The following GRID2 variants were observed in gnomAD, a reference collection of about 807,000 sequenced individuals.
GRID2 encodes glutamate ionotropic receptor delta type subunit 2.
A neutral mutation model predicts 114.8 loss-of-function variants in GRID2; 33 were observed. The ratio of observed to expected loss-of-function variants is 0.29; its 90% CI spans 0.22 to 0.38. The LOEUF (loss-of-function observed/expected upper bound fraction) is 0.38, where lower values mean the gene tolerates loss of function less well. Among genes scored for constraint, GRID2 ranks in the 10% least tolerant of loss-of-function variants. The probability of loss-of-function intolerance (pLI) is 1.00; values close to 1 mark genes in which losing one functional copy is unlikely to be tolerated. For synonymous variants in GRID2, 505 were observed against 449.9 expected (o/e 1.12, Z -1.55); for missense variants, 1,184 against 1,257.7 (o/e 0.94, Z 0.89).
chr4:92,384,681 T>C (rs1434882772), intron 1 of GRID2, among the ~76,000 whole-genome samples: 1 of 114,944 alleles, frequency 8.7e-6, no homozygotes, highest in Non-Finnish European at 1.7e-5. Flanking sequence ...ATATTATATA[T>C]ATATAATATA....
rs1295067924 is a variant in GRID2, at chr4:92,749,310, C to CTATTTTTTT, written c.244+159025_244+159026insATTTTTTTT. ...CGCCGCGCCCGGCCTTGATTTGTAG[C>CTATTTTTTT]TTTTTTTTTTTTTTTTTTTTTTGAG... On this transcript the variant is annotated intron_variant, in intron 2 of 15. Transcript: ENST00000282020. 4.5e-3 allele frequency among the ~76,000 whole-genome samples: 325 copies of CTATTTTTTT among 72,036 alleles called. 9 individuals carry two copies. Among genetic ancestry groups the CTATTTTTTT allele is most frequent in the East Asian group, 0.031 (77 of 2,524 alleles). 47.3% of individuals were successfully genotyped at this position (72,036 alleles called of 152,430 possible).
At chr4:92,639,817 A>C (rs1731257490) in intron 2 of GRID2, among the ~76,000 whole-genome samples, 1 of 151,856 alleles carries the variant, frequency 6.6e-6, no homozygotes, top group Non-Finnish European at 1.5e-5. Flanking sequence ...ACTCTAACAA[A>C]ATATGAAATA....
In GRID2 at chr4:93,721,274, C is replaced by T. The variant is rs571638579; in HGVS notation, c.2361-47936C>T. On this transcript the variant is annotated intron_variant, in intron 14 of 15. Coordinates refer to ENST00000282020, the MANE Select transcript of GRID2 (RefSeq NM_001510.4). Reference sequence around the variant, plus strand: ...AAATATTAAATAGTCAAAAAGGGATCGAATATTAAAAAATGTAAGTTAGGT... The same window carrying T: ...AAATATTAAATAGTCAAAAAGGGATTGAATATTAAAAAATGTAAGTTAGGT... 4.2e-4 allele frequency among the ~76,000 whole-genome samples: 64 copies of T among 152,080 alleles called. 2 individuals carry two copies. In the South Asian group the frequency reaches 0.012, roughly 28 times the overall value.
At chr4:93,436,178 G>A (rs1721066765) in intron 10 of GRID2, among the ~76,000 whole-genome samples, 2 of 152,058 alleles carry the variant, frequency 1.3e-5, no homozygotes, top group Admixed American at 6.6e-5. Context: ...CTTTGGTATC[G>A]CTTGCTCCAT....
intron 5 of GRID2, among the ~76,000 whole-genome samples, chr4:93,208,681 A>G (rs1340477494): frequency 6.6e-6 from 1 of 151,990 alleles, no homozygotes; most frequent in African/African-American, 2.4e-5. Flanking sequence ...TTTTTATTTC[A>G]GAGTAAAGAC....
chr4:93,311,637 T>C (rs1389137369), intron 8 of GRID2, among the ~76,000 whole-genome samples: 1 of 152,160 alleles, frequency 6.6e-6, no homozygotes, highest in Admixed American at 6.6e-5. Flanking sequence ...GCACAGAGTA[T>C]TGAGAAACCT....
In GRID2 at chr4:92,447,795, A is replaced by T. The variant is rs191913535; in HGVS notation, c.89-142336A>T. Among the ~76,000 whole-genome samples, 710 of 152,264 alleles carry T rather than the reference A, an allele frequency of 4.7e-3. 4 individuals carry two copies. Among genetic ancestry groups the T allele is most frequent in the Middle Eastern group, 6.8e-3 (2 of 294 alleles). On this transcript the variant is annotated intron_variant, in intron 1 of 15. Transcript: ENST00000282020. Reference sequence around the variant, plus strand: ...AACATTCTGAGTTCTCTTTTATAAAAGGACTAATTCCAGTGATGAGGGCTC... The same window carrying T: ...AACATTCTGAGTTCTCTTTTATAAATGGACTAATTCCAGTGATGAGGGCTC...
Position 92,924,407 on chromosome 4 carries a change from A to T in GRID2, c.245-160588A>T, listed in dbSNP as rs1356811591. On this transcript the variant is annotated intron_variant, in intron 2 of 15. Coordinates refer to ENST00000282020, the MANE Select transcript of GRID2 (RefSeq NM_001510.4). Reference sequence around the variant, plus strand: ...TAAAACTTAAAGTATAATTAAAAAAAAAAAAGAAATTATTCGGTCCTCTAA... The same window carrying T: ...TAAAACTTAAAGTATAATTAAAAAATAAAAAGAAATTATTCGGTCCTCTAA... Among the ~76,000 whole-genome samples, 6 of 152,104 alleles carry T rather than the reference A, an allele frequency of 3.9e-5. No homozygotes were observed. In the East Asian group the frequency reaches 1.2e-3, roughly 29 times the overall value.
chr4:93,201,551 C>T, intron 4 of GRID2, among the ~76,000 whole-genome samples: 1 of 152,192 alleles, frequency 6.6e-6, no homozygotes, highest in East Asian at 1.9e-4. Context: ...GTGCACAGAG[C>T]ACTGGAACTC....
intron 8 of GRID2, among the ~76,000 whole-genome samples, chr4:93,314,432 G>A (rs566079301): frequency 1.3e-5 from 2 of 150,530 alleles, no homozygotes; most frequent in South Asian, 4.2e-4. Flanking sequence ...CCTACACATT[G>A]TATTCCATTC....
At chr4:92,343,887 A>G (rs916369450) in intron 1 of GRID2, among the ~76,000 whole-genome samples, 13 of 152,250 alleles carry the variant, frequency 8.5e-5, no homozygotes, top group Non-Finnish European at 1.9e-4. Context: ...TATGTATTAT[A>G]TACTGTTTCC....
At chr4:93,599,175 G>C (rs1046830954) in intron 13 of GRID2, among the ~76,000 whole-genome samples, 2 of 152,154 alleles carry the variant, frequency 1.3e-5, no homozygotes, top group African/African-American at 4.8e-5. Context: ...CCCAACAAAT[G>C]TTGTTGGATG....
chr4:93,262,095 T>C (rs374214791), intron 8 of GRID2, among the ~76,000 whole-genome samples: 1 of 151,558 alleles, frequency 6.6e-6, no homozygotes, highest in East Asian at 1.9e-4. Context: ...AATAAAAAAT[T>C]AGCAAGTAAA....
At chr4:93,183,016 A>G (rs1299564737) in intron 4 of GRID2, among the ~76,000 whole-genome samples, 2 of 152,230 alleles carry the variant, frequency 1.3e-5, no homozygotes, top group Admixed American at 6.5e-5. Context: ...TACTGGCCTT[A>G]GGATAATATC....
chr4:92,630,601 C>G (rs927865321), intron 2 of GRID2, among the ~76,000 whole-genome samples: 2 of 152,096 alleles, frequency 1.3e-5, no homozygotes, highest in South Asian at 2.1e-4. Flanking sequence ...CTGTAATCAG[C>G]CTTTTTCTTG....
intron 14 of GRID2, among the ~76,000 whole-genome samples, chr4:93,758,259 C>G (rs1464160262): frequency 6.6e-6 from 1 of 152,074 alleles, no homozygotes; most frequent in Non-Finnish European, 1.5e-5. Context: ...GTGGGTAAAA[C>G]AGTAATGTTA....
intron 9 of GRID2, among the ~76,000 whole-genome samples, chr4:93,419,779 A>G (rs1266891499): frequency 6.6e-6 from 1 of 152,074 alleles, no homozygotes; most frequent in East Asian, 1.9e-4. Context: ...GATTTACTTA[A>G]AAGGTAGAAT....
intron 13 of GRID2, among the ~76,000 whole-genome samples, chr4:93,601,166 A>C (rs931188164): frequency 2.0e-5 from 3 of 152,232 alleles, no homozygotes; most frequent in Non-Finnish European, 2.9e-5. Context: ...TGCATGCTAC[A>C]AATGGTTGTA....
intron 8 of GRID2, among the ~76,000 whole-genome samples, chr4:93,319,066 T>C (rs1756965740): frequency 6.6e-6 from 1 of 152,118 alleles, no homozygotes; most frequent in South Asian, 2.1e-4. Context: ...GTATGTGGAG[T>C]TGGGTAGGGA....
Sources: gnomAD v4.1 joint callset for allele counts (sites outside exome capture counted in the v4.1 genomes callset) on GRCh38, gnomAD v4.1.1 for gene constraint, MANE v1.5 for transcripts, NCBI Gene and HGNC (gene_info 2026-07-23, HGNC 2026-07-21) for gene names.